DYM: variants seen among roughly 807,000 people sequenced by gnomAD.
DYM encodes the protein dyggve-Melchior-Clausen syndrome protein.
A neutral mutation model predicts 93.1 loss-of-function variants in DYM; 78 were observed. The ratio of observed to expected loss-of-function variants is 0.84; its 90% CI spans 0.70 to 1.01. The LOEUF (loss-of-function observed/expected upper bound fraction) is 1.01, where lower values mean the gene tolerates loss of function less well. DYM is among the 50% of genes least tolerant of loss of function. The pLI is 0.00. For synonymous variants in DYM, 321 were observed against 319.7 expected, an observed-to-expected ratio of 1.00 and a Z score of -0.04; for missense variants, 789 against 845.0, an observed-to-expected ratio of 0.93 and a Z score of 0.82.
At chr18:49,177,084 T>A (rs2089464808) in intron 14 of DYM, among the ~76,000 whole-genome samples, 3 of 152,174 alleles carry the variant, frequency 2.0e-5, no homozygotes, top group East Asian at 1.9e-4. Context: ...TCCAGTTTTT[T>A]AAAAATCCTA....
chr18:49,393,022 G>A (rs866647025), intron 2 of DYM, among the ~76,000 whole-genome samples: 9 of 83,860 alleles, frequency 1.1e-4, no homozygotes, highest in Admixed American at 3.2e-4. Context: ...AAGAAGAAGA[G>A]GAAGAAGGAG....
At chr18:49,140,121 C>T (rs1346074860) in intron 15 of DYM, among the ~76,000 whole-genome samples, 1 of 151,984 alleles carries the variant, frequency 6.6e-6, no homozygotes, top group Non-Finnish European at 1.5e-5. Flanking sequence ...GAGGGCTCTA[C>T]ATAAGTAACA....
At chr18:49,351,290 G>C (rs1292474010) in intron 6 of DYM, among the ~76,000 whole-genome samples, 1 of 152,046 alleles carries the variant, frequency 6.6e-6, no homozygotes, top group Non-Finnish European at 1.5e-5. Context: ...GAAATCGCTT[G>C]AACCCGGGAG....
At chr18:49,066,428 C>G (rs906277976) in intron 17 of DYM, among the ~76,000 whole-genome samples, 7 of 152,150 alleles carry the variant, frequency 4.6e-5, no homozygotes, top group African/African-American at 1.4e-4. Context: ...GAGATTGAAA[C>G]ATGTTGGGTT....
chr18:49,385,263 G>A (rs569620639), intron 3 of DYM, among the ~76,000 whole-genome samples: 4 of 152,298 alleles, frequency 2.6e-5, no homozygotes, highest in South Asian at 2.1e-4. Context: ...GCTGGCAAAC[G>A]TTTTTCCTCA....
chr18:49,379,524 T>G (rs970941364), intron 4 of DYM, 141 bp downstream of exon 4: 2 of 753,552 alleles, frequency 2.7e-6, no homozygotes, highest in African/African-American at 1.8e-5. Context: ...ACCTAAAACC[T>G]CTCTACCTTT....
At chr18:49,196,511 G>C (rs1460068152) in intron 14 of DYM, among the ~76,000 whole-genome samples, 1 of 152,080 alleles carries the variant, frequency 6.6e-6, no homozygotes, top group Non-Finnish European at 1.5e-5. Context: ...TAGAGTGAGA[G>C]TGACAGCAAA....
chr18:49,088,579 CT>C (rs34383028), intron 17 of DYM, among the ~76,000 whole-genome samples: 3 of 150,514 alleles, frequency 2.0e-5, no homozygotes, highest in Admixed American at 1.3e-4. Context: ...GCCTAACAGC[CT>C]TTTTTAAACA....
intron 13 of DYM, among the ~76,000 whole-genome samples, chr18:49,241,955 G>T (rs938545944): frequency 6.6e-6 from 1 of 152,098 alleles, no homozygotes; most frequent in African/African-American, 2.4e-5. Flanking sequence ...CACCTTCTAC[G>T]CTGCGAGTTA....
chr18:49,263,088 C>T (rs1348084690), intron 11 of DYM, among the ~76,000 whole-genome samples: 1 of 151,974 alleles, frequency 6.6e-6, no homozygotes, highest in Non-Finnish European at 1.5e-5. Flanking sequence ...CGAGAATTTA[C>T]TAGGAAGCAG....
intron 8 of DYM, among the ~76,000 whole-genome samples, chr18:49,317,650 TTCCTTCC>T (rs1401916289): frequency 4.1e-5 from 3 of 73,548 alleles, no homozygotes; most frequent in African/African-American, 1.4e-4. Context: ...TCTCCTCTCC[TTCCTTCC>T]TTCCTTCCTT....
chr18:49,383,026 C>T (rs556901160), intron 3 of DYM, among the ~76,000 whole-genome samples: 1 of 152,032 alleles, frequency 6.6e-6, no homozygotes, highest in African/African-American at 2.4e-5. Flanking sequence ...ACAAGATGAC[C>T]CCACGCAAGG....
intron 6 of DYM, among the ~76,000 whole-genome samples, chr18:49,345,407 G>C (rs1309046224): frequency 6.6e-6 from 1 of 152,134 alleles, no homozygotes; most frequent in East Asian, 1.9e-4. Context: ...CCTATCACAG[G>C]TGTGTTACAA....
intron 14 of DYM, among the ~76,000 whole-genome samples, chr18:49,174,452 C>A (rs1221172728): frequency 2.0e-5 from 3 of 152,060 alleles, no homozygotes; most frequent in African/African-American, 4.8e-5. Flanking sequence ...CCTGGTAATC[C>A]GAGTCTAGAC....
At chr18:49,225,541 T>TATA (rs965710680) in intron 13 of DYM, among the ~76,000 whole-genome samples, 2 of 152,040 alleles carry the variant, frequency 1.3e-5, no homozygotes, top group African/African-American at 2.4e-5. Flanking sequence ...TAATAGAGAC[T>TATA]ATAATAATAA....
In DYM at chr18:49,342,019, T is replaced by C. The variant is rs567403497; in HGVS notation, c.495-8166A>G. Among the ~76,000 whole-genome samples the C allele has an allele frequency of 2.7e-4, 41 of 152,336 alleles. No individual in the cohort carries two copies. In the South Asian group the frequency reaches 3.9e-3, roughly 15 times the overall value. On this transcript the variant is annotated intron_variant, in intron 6 of 17. Transcript: ENST00000675505. ...ACAGTCCTGGGAGTCAGAAGTCCAG[T>C]ACAGGTCTCACGAGCCTAAAATCCA...
intron 1 of DYM, chr18:49,447,554 T>G (rs2082195756): frequency 6.6e-6 from 1 of 152,210 alleles, no homozygotes; most frequent in Admixed American, 6.5e-5. Context: ...TTTAGACCTT[T>G]CATGGAGGAC....
At chr18:49,256,913 G>C in intron 13 of DYM, 97 bp downstream of exon 13, 3 of 1,004,386 alleles carry the variant, frequency 3.0e-6, no homozygotes, top group East Asian at 2.6e-5. Flanking sequence ...AAATTTGATA[G>C]TCCTCACAGG....
intron 15 of DYM, among the ~76,000 whole-genome samples, chr18:49,156,598 G>T (rs984325152): frequency 2.6e-5 from 4 of 152,000 alleles, no homozygotes; most frequent in African/African-American, 9.6e-5. Flanking sequence ...AGGGCGTGGT[G>T]GTGCATGCCT....
Sources: allele counts gnomAD v4.1 joint callset (sites outside exome capture counted in the v4.1 genomes callset), GRCh38; gene constraint gnomAD v4.1.1; transcripts MANE v1.5; gene names NCBI Gene and HGNC (gene_info 2026-07-23, HGNC 2026-07-21).